ZNF264: variants seen among roughly 807,000 people sequenced by gnomAD.
ZNF264 encodes zinc finger protein 264.
In ZNF264, 11 loss-of-function variants were observed where a neutral mutation model predicts 11.2. The ratio of observed to expected loss-of-function variants is 0.98; its 90% CI spans 0.62 to 1.63. ZNF264 has a LOEUF of 1.63. Ranked by LOEUF, ZNF264 falls within the 40% of genes most tolerant of loss-of-function variation. The pLI is 0.00. For missense variants in ZNF264, 752 were observed against 768.1 expected, an observed-to-expected ratio of 0.98 and a Z score of 0.25; for synonymous variants, 309 against 279.8, an observed-to-expected ratio of 1.10 and a Z score of -1.04.
rs1487720270 is a variant in ZNF264 at position 57,221,174 on chromosome 19, C to T, written c.*8193C>T. The stretch of plus-strand genomic sequence containing the variant: ...CAAGCGATTCTCCTGCCTCAGCCTC[C>T]TGAGTAGCTGGGACTACAGGTGCCT... On this transcript the variant is annotated 3_prime_UTR_variant, in exon 4 of 4. Coordinates refer to ENST00000263095, the MANE Select transcript of ZNF264 (RefSeq NM_003417.5). 1 of 152,430 alleles carries T rather than the reference C, an allele frequency of 6.6e-6. No homozygotes were observed. Among genetic ancestry groups the T allele is most frequent in the Non-Finnish European group, 1.5e-5 (1 of 68,264 alleles). The allele number at this position is 152,430 out of a possible 1,614,324, so 9.4% of individuals were successfully genotyped here. A position where few individuals can be genotyped will look rare whatever the true frequency, so the allele number is the denominator to read the frequency against.
At position 57,191,761 on chromosome 19, in the gene ZNF264, GC is replaced by G. The variant is rs2087174489; in HGVS notation, c.-150del. 1 of 496,386 alleles carries G rather than the reference GC, an allele frequency of 2.0e-6. No homozygotes were observed. Among genetic ancestry groups the G allele is most frequent in the African/African-American group, 2.0e-5 (1 of 48,810 alleles). The allele number at this position is 496,386 out of a possible 1,614,324, so 30.7% of individuals were successfully genotyped here. A position where few individuals can be genotyped will look rare whatever the true frequency, so the allele number is the denominator to read the frequency against. On this transcript the variant is annotated 5_prime_UTR_variant, in exon 1 of 4. Coordinates refer to ENST00000263095, the MANE Select transcript of ZNF264 (RefSeq NM_003417.5). ...CGCGGTTGCCACCGAGGAGGCGGCG[GC>G]CCTGCGTCTGGAACGCCGTTGCCAC... is the stretch of plus-strand genomic sequence containing the variant.
intron 2 of ZNF264, among the ~76,000 whole-genome samples, chr19:57,205,088 TA>T (rs996623433): frequency 2.0e-5 from 3 of 151,956 alleles, no homozygotes; most frequent in African/African-American, 7.3e-5. Context: ...GCTTAGGATG[TA>T]AAAAAAATAA....
intron 2 of ZNF264, among the ~76,000 whole-genome samples, chr19:57,204,776 T>C (rs940096846): frequency 3.9e-5 from 6 of 152,166 alleles, no homozygotes; most frequent in Non-Finnish European, 5.9e-5. Flanking sequence ...AGTACTGTTA[T>C]TGTCATCCTC....
Position 57,213,002 on chromosome 19 carries a change from T to A in ZNF264, c.*21T>A. On this transcript the variant is annotated 3_prime_UTR_variant, in exon 4 of 4. Transcript: ENST00000263095. ...TGTGAGAAAACCTTCTGTTGCTGAA[T>A]ATTACTTGTCATCTGAAGAGTCATA... 1 of 1,587,182 alleles carries A rather than the reference T, an allele frequency of 6.3e-7. No homozygotes were observed. The highest frequency in any genetic ancestry group is 1.4e-5 in the African/African-American group (1 of 73,988).
At chr19:57,194,069 C>T (rs963739254) in intron 2 of ZNF264, 68 bp downstream of exon 2, 3 of 1,535,670 alleles carry the variant, frequency 2.0e-6, no homozygotes, top group Non-Finnish European at 2.6e-6. Flanking sequence ...CTTCTGACTC[C>T]AGGCCTGGCT....
intron 2 of ZNF264, among the ~76,000 whole-genome samples, chr19:57,203,895 G>T (rs1284789907): frequency 6.6e-6 from 1 of 152,122 alleles, no homozygotes; most frequent in Non-Finnish European, 1.5e-5. Flanking sequence ...TTTAAAAACT[G>T]TGTGGCCATG....
intron 3 of ZNF264, among the ~76,000 whole-genome samples, chr19:57,208,188 ATGCTTGTGGC>A (rs1404862197): frequency 2.6e-5 from 4 of 152,192 alleles, no homozygotes; most frequent in Non-Finnish European, 5.9e-5. Context: ...AATAAAACAA[ATGCTTGTGGC>A]TCATGATATA....
rs1179233884 is a variant in ZNF264 at position 57,212,190 on chromosome 19, C to T, written c.1093C>T (p.His365Tyr). ...RSYLMWHQQT[H>Y]TGEKPYECSE... ...ATATCTCATGTGGCACCAGCAGACT[C>T]ATACCGGGGAGAAGCCCTATGAGTG... The change falls in exon 4 of 4, where the codon CAT (histidine) becomes TAT (tyrosine). Residue 365 changes from histidine to tyrosine, a missense_variant. Coordinates refer to ENST00000263095, the MANE Select transcript of ZNF264 (RefSeq NM_003417.5). 3.1e-6 allele frequency: 5 copies of T among 1,614,084 alleles called. No individual in the cohort carries two copies. Among genetic ancestry groups the T allele is most frequent in the African/African-American group, 1.3e-5 (1 of 74,932 alleles).
Position 57,211,971 on chromosome 19 carries a change from T to C in ZNF264, c.874T>C (p.Cys292Arg). ...SGEKPYKCNE[C>R]GKAFTHRSNF... ...AGAGAAGCCTTACAAGTGCAATGAA[T>C]GCGGAAAGGCCTTCACCCACCGCTC... The change falls in exon 4 of 4, where the codon TGC (cysteine) becomes CGC (arginine). Residue 292 changes from cysteine to arginine, a missense_variant. Transcript: ENST00000263095. 1.9e-6 allele frequency: 3 copies of C among 1,614,002 alleles called. No homozygotes were observed. Among genetic ancestry groups the C allele is most frequent in the Non-Finnish European group, 2.5e-6 (3 of 1,180,016 alleles).
rs1409952856 is a variant in ZNF264 at position 57,211,573 on chromosome 19, A to G, written c.476A>G (p.Asp159Gly). ...CCTGGGAAGATGAGCCCTGAATGTG[A>G]TGGTTTAGGGACAGCTGATGGTGTG... The part of the protein sequence containing the change: ...KSPGKMSPEC[D>G]GLGTADGVCS... The change falls in exon 4 of 4, where the codon GAT becomes GGT. Residue 159 changes from aspartate to glycine, a missense_variant. Physicochemically the swap from Asp to Gly is moderately conservative, Grantham distance 94 (BLOSUM62 -1). Coordinates refer to ENST00000263095, the MANE Select transcript of ZNF264 (RefSeq NM_003417.5). 3.1e-6 allele frequency: 5 copies of G among 1,614,032 alleles called. No individual in the cohort carries two copies. Among genetic ancestry groups the G allele is most frequent in the Non-Finnish European group, 4.2e-6 (5 of 1,179,966 alleles).
intron 2 of ZNF264, among the ~76,000 whole-genome samples, chr19:57,203,266 G>A (rs2087266587): frequency 6.6e-6 from 1 of 152,082 alleles, no homozygotes; most frequent in African/African-American, 2.4e-5. Flanking sequence ...TACTGGCTTG[G>A]TATGTGAGAG....
At position 57,211,485 on chromosome 19, in the gene ZNF264, G is replaced by A. The variant is rs1379051474; in HGVS notation, c.388G>A (p.Asp130Asn). Residue 130 changes from aspartate (D) to asparagine (N), a missense_variant, in exon 4 of 4, where the codon GAT (aspartate) becomes AAT (asparagine). Transcript: ENST00000263095. ...DSQLGQAEDQ[D>N]GLSEMQEGHF... ...ACAGTTGGGGCAAGCCGAGGATCAG[G>A]ATGGGCTATCAGAAATGCAGGAAGG... is the stretch of plus-strand genomic sequence containing the variant. 2 of 1,614,010 alleles carry A rather than the reference G, an allele frequency of 1.2e-6. No individual in the cohort carries two copies. Among genetic ancestry groups the A allele is most frequent in the African/African-American group, 2.7e-5 (2 of 74,912 alleles).
At chr19:57,201,738 C>T (rs1448595755) in intron 2 of ZNF264, among the ~76,000 whole-genome samples, 1 of 151,918 alleles carries the variant, frequency 6.6e-6, no homozygotes, top group Non-Finnish European at 1.5e-5. Context: ...AGGATTCCTA[C>T]AGCACTTTAG....
chr19:57,212,496 C>G lies in ZNF264; in HGVS notation c.1399C>G (p.Arg467Gly), dbSNP rs918246748. 1 of 1,611,038 alleles carries G rather than the reference C, an allele frequency of 6.2e-7. No individual in the cohort carries two copies. The highest frequency in any genetic ancestry group is 8.5e-7 in the Non-Finnish European group (1 of 1,179,272). Reference protein sequence around the residue: ...CKECGKAFSNRKDLIRHFSIH... With the variant: ...CKECGKAFSNGKDLIRHFSIH... ...AGAGTGTGGGAAAGCCTTTAGCAAT[C>G]GGAAGGACCTCATTCGCCACTTCAG... The change falls in exon 4 of 4, where the codon CGG (arginine) becomes GGG (glycine). Residue 467 changes from arginine to glycine, a missense_variant. Coordinates refer to ENST00000263095, the MANE Select transcript of ZNF264 (RefSeq NM_003417.5).
chr19:57,195,500 G>A (rs920702903), intron 2 of ZNF264, among the ~76,000 whole-genome samples: 2 of 152,038 alleles, frequency 1.3e-5, no homozygotes, highest in African/African-American at 4.8e-5. Flanking sequence ...GCAGGTCATG[G>A]TTTTTTTTCC....
At position 57,201,653 on chromosome 19, in the gene ZNF264, C is replaced by G. The variant is rs555640105; in HGVS notation, c.161-3744C>G. On this transcript the variant is annotated intron_variant, in intron 2 of 3. Transcript: ENST00000263095. ...TCAGTCTGTCCCAGAACGGTGCCAGCTGGGGAATTACTGCCCTTGCGTATC... is the reference window on the plus strand; with the variant it reads ...TCAGTCTGTCCCAGAACGGTGCCAGGTGGGGAATTACTGCCCTTGCGTATC... Among the ~76,000 whole-genome samples the G allele has an allele frequency of 1.1e-3, 166 of 152,050 alleles. 6 individuals carry two copies. Among genetic ancestry groups the G allele is most frequent in the African/African-American group, 3.9e-3 (163 of 41,324 alleles).
chr19:57,204,661 A>G (rs760711346), intron 2 of ZNF264, among the ~76,000 whole-genome samples: 1 of 152,176 alleles, frequency 6.6e-6, no homozygotes, highest in Non-Finnish European at 1.5e-5. Flanking sequence ...TGTCTTTATT[A>G]GCAGCGTGAG....
At chr19:57,195,983 C>T (rs144417041) in intron 2 of ZNF264, among the ~76,000 whole-genome samples, 2 of 151,886 alleles carry the variant, frequency 1.3e-5, no homozygotes, top group African/African-American at 2.4e-5. Flanking sequence ...TTCCTGGACC[C>T]ATGAATCCTG....
Position 57,212,812 on chromosome 19 carries a change from T to G in ZNF264, c.1715T>G (p.Val572Gly), listed in dbSNP as rs1195546022. The G allele has an allele frequency of 1.2e-6, 2 of 1,614,164 alleles. No homozygotes were observed. The highest frequency in any genetic ancestry group is 8.5e-7 in the Non-Finnish European group (1 of 1,180,030). The change falls in exon 4 of 4, where the codon GTG becomes GGG. Residue 572 changes from valine to glycine, a missense_variant. By Grantham distance (109) the Val-to-Gly change is moderately radical. Coordinates refer to ENST00000263095, the MANE Select transcript of ZNF264 (RefSeq NM_003417.5). ...AAAAATCCCATCAGTGTAACAGATG[T>G]GGGAAGACCTTTTACAAGTGGACAA... ...TGKNPISVTD[V>G]GRPFTSGQTS... is the part of the protein sequence containing the mutation.
Sources: gnomAD v4.1 joint callset for allele counts (sites outside exome capture counted in the v4.1 genomes callset) on GRCh38, gnomAD v4.1.1 for gene constraint, MANE v1.5 for transcripts, NCBI Gene and HGNC (gene_info 2026-07-23, HGNC 2026-07-21) for gene names.